The following ANKZF1 variants were observed in gnomAD, a reference collection of about 807,000 sequenced individuals.
ANKZF1 encodes the protein tRNA endonuclease ANKZF1.
A neutral mutation model predicts 86.0 loss-of-function variants in ANKZF1; 84 were observed. That is an observed-to-expected ratio of 0.98 (90% CI 0.82 to 1.17). ANKZF1 has a LOEUF of 1.17. Among genes scored for constraint, ANKZF1 ranks in the 50% most tolerant of loss-of-function variants. The probability of loss-of-function intolerance (pLI) is 0.00; values close to 1 mark genes in which losing one functional copy is unlikely to be tolerated. For synonymous variants in ANKZF1, 331 were observed against 354.2 expected, an observed-to-expected ratio of 0.93 and a Z score of 0.74; for missense variants, 893 against 918.4, an observed-to-expected ratio of 0.97 and a Z score of 0.36.
chr2:219,234,966 G>C lies in ANKZF1; in HGVS notation c.1345G>C (p.Asp449His). 1.9e-6 allele frequency: 3 copies of C among 1,614,240 alleles called. No individual in the cohort carries two copies. Among genetic ancestry groups the C allele is most frequent in the Non-Finnish European group, 1.7e-6 (2 of 1,180,050 alleles). Residue 449 changes from aspartate (D) to histidine (H), a missense_variant, in exon 10 of 14, where the codon GAC (aspartate) becomes CAC (histidine). Transcript: ENST00000323348. Reference sequence around the variant, plus strand: ...AAGGAATAAGAAGGAGAAAAGCCGAGACCAGGAGGCTGGGGCACATCGGAC... The same window carrying C: ...AAGGAATAAGAAGGAGAAAAGCCGACACCAGGAGGCTGGGGCACATCGGAC... The part of the protein sequence containing the change: ...RKRNKKEKSR[D>H]QEAGAHRTLL...
chr2:219,235,364 G>A, intron 10 of ANKZF1, 52 bp downstream of exon 10: 1 of 1,595,674 alleles, frequency 6.3e-7, no homozygotes, highest in Non-Finnish European at 8.6e-7. Context: ...AGGATAATTT[G>A]GAGGTTAAAG....
rs1449113817 is a variant in ANKZF1 at position 219,234,291 on chromosome 2, T to G, written c.1204+3T>G. 15 of 1,613,870 alleles carry G rather than the reference T, an allele frequency of 9.3e-6. No homozygotes were observed. Among genetic ancestry groups the G allele is most frequent in the Non-Finnish European group, 1.3e-5 (15 of 1,180,038 alleles). ...GAATGAGGAATCTCCCAAACAGGGT[T>G]TGATTACTATCTGGCAACTGTCAGA... On this transcript the variant is annotated splice_donor_region_variant and intron_variant, in intron 9 of 13. Transcript: ENST00000323348.
chr2:219,234,368 G>T, intron 9 of ANKZF1, 80 bp downstream of exon 9: 1 of 1,574,222 alleles, frequency 6.4e-7, no homozygotes, highest in South Asian at 1.1e-5. Context: ...TCTCATAACT[G>T]ACCCATTTCC....
chr2:219,230,505 C>G, intron 2 of ANKZF1, 100 bp downstream of exon 2: 1 of 1,394,426 alleles, frequency 7.2e-7, no homozygotes, highest in Non-Finnish European at 9.6e-7. Flanking sequence ...CTTAGGAGGC[C>G]AATTGATTTA....
At chr2:219,234,395 CCA>C in intron 9 of ANKZF1, 107 bp downstream of exon 9, 1 of 1,363,852 alleles carries the variant, frequency 7.3e-7, no homozygotes, top group Non-Finnish European at 1.0e-6. Context: ...AAACACACAC[CCA>C]CAGTGTCTAT....
intron 2 of ANKZF1, chr2:219,230,692 C>T (rs758160174): frequency 1.3e-5 from 4 of 305,632 alleles, no homozygotes; most frequent in Non-Finnish European, 1.8e-5. Context: ...TAACCAGGCC[C>T]CACTCAAATT....
At chr2:219,233,533 C>T (rs941762915) in intron 7 of ANKZF1, 100 bp downstream of exon 7, 29 of 1,449,428 alleles carry the variant, frequency 2.0e-5, no homozygotes, top group Admixed American at 5.4e-5. Flanking sequence ...TCATATCCTT[C>T]CAATTTTCAT....
At chr2:219,236,283 TG>T (rs1362910526) in intron 13 of ANKZF1, 38 bp from the exon 14 acceptor site, 1 of 1,613,286 alleles carries the variant, frequency 6.2e-7, no homozygotes, top group Non-Finnish European at 8.5e-7. Context: ...GGAAAGTTTC[TG>T]GGGTACCTGT....
intron 2 of ANKZF1, chr2:219,231,406 C>A: frequency 6.1e-6 from 1 of 163,176 alleles, no homozygotes; most frequent in South Asian, 1.5e-4. Context: ...TTTTCTTCAT[C>A]TTTTTTGAGA....
In ANKZF1 at chr2:219,234,157, G is replaced by C. The variant is rs1454228882; in HGVS notation, c.1073G>C (p.Arg358Thr). The C allele has an allele frequency of 6.2e-7, 1 of 1,613,678 alleles. No individual in the cohort carries two copies. Residue 358 changes from arginine (R) to threonine (T), a missense_variant, in exon 9 of 14, where the codon AGA becomes ACA. Arg to Thr is a moderately conservative substitution (Grantham distance 71, BLOSUM62 -1). Transcript: ENST00000323348. The stretch of plus-strand genomic sequence containing the variant: ...GAAGAAGACCCTCGGGAAGCAGTCA[G>C]ACTGCACTCACCTCAGACACACTGG... ...VYEEDPREAVRLHSPQTHWKT... is the reference protein window; with the variant it reads ...VYEEDPREAVTLHSPQTHWKT...
At position 219,234,178 on chromosome 2, in the gene ANKZF1, A is replaced by G. The variant is rs1409676984; in HGVS notation, c.1094A>G (p.His365Arg). The G allele has an allele frequency of 1.9e-6, 3 of 1,614,156 alleles. No homozygotes were observed. Among genetic ancestry groups the G allele is most frequent in the South Asian group, 1.1e-5 (1 of 91,084 alleles). The change falls in exon 9 of 14, where the codon CAC (histidine) becomes CGC (arginine). Residue 365 changes from histidine to arginine, a missense_variant. By Grantham distance (29) the His-to-Arg change is conservative (BLOSUM62 0). Transcript: ENST00000323348. ...GTCAGACTGCACTCACCTCAGACAC[A>G]CTGGAAAACAGTAAGAGAGGAGAGA... is the stretch of plus-strand genomic sequence containing the variant. ...EAVRLHSPQT[H>R]WKTVREERKK... is the part of the protein sequence containing the mutation.
intron 9 of ANKZF1, 37 bp downstream of exon 9, chr2:219,234,325 T>G: frequency 6.2e-7 from 1 of 1,613,770 alleles, no homozygotes; most frequent in South Asian, 1.1e-5. Context: ...GATCTGAGTT[T>G]CTGTCCTAAA....
rs767895333 is a variant in ANKZF1 at position 219,235,991 on chromosome 2, CACA to C, written c.1972-16_1972-14del. 6.2e-7 allele frequency: 1 copy of C among 1,614,192 alleles called. No homozygotes were observed. Among genetic ancestry groups the C allele is most frequent in the South Asian group, 1.1e-5 (1 of 91,080 alleles). ...CTCGCCACTGGGGCCTTGTCCTTAA[CACA>C]ACTTGTCTCCCTCAGAGAGCTCTGG... On this transcript the variant is annotated splice_polypyrimidine_tract_variant and intron_variant, in intron 12 of 13. Coordinates refer to ENST00000323348, the MANE Select transcript of ANKZF1 (RefSeq NM_018089.3).
At chr2:219,236,123 T>C (rs1951220773) in intron 13 of ANKZF1, 28 bp downstream of exon 13, 4 of 1,613,158 alleles carry the variant, frequency 2.5e-6, no homozygotes, top group Non-Finnish European at 3.4e-6. Flanking sequence ...AGGGAGTGGG[T>C]GGACTGTAAT....
At chr2:219,235,334 G>A (rs1951175589) in intron 10 of ANKZF1, 22 bp downstream of exon 10, 3 of 1,601,588 alleles carry the variant, frequency 1.9e-6, no homozygotes, top group Non-Finnish European at 2.6e-6. Flanking sequence ...TCCCCATCCT[G>A]AGTCATTTTG....
Position 219,235,114 on chromosome 2 carries a change from T to C in ANKZF1, c.1493T>C (p.Leu498Pro), listed in dbSNP as rs780584011. The change falls in exon 10 of 14, where the codon CTG (leucine) becomes CCG (proline). Residue 498 changes from leucine (L) to proline (P), a missense_variant. By Grantham distance (98) the Leu-to-Pro change is moderately conservative. Coordinates refer to ENST00000323348, the MANE Select transcript of ANKZF1 (RefSeq NM_018089.3). ...GGTCAGCCAGAGCTCTGGAATGCAC[T>C]GCTTGCTGCTTGCCGAGCTGGAGAT... is the stretch of plus-strand genomic sequence containing the variant. ...APGQPELWNA[L>P]LAACRAGDVG... is the part of the protein sequence containing the mutation. 1.2e-6 allele frequency: 2 copies of C among 1,614,236 alleles called. No homozygotes were observed. Among genetic ancestry groups the C allele is most frequent in the Middle Eastern group, 1.6e-4 (1 of 6,062 alleles).
chr2:219,230,477 C>T, intron 2 of ANKZF1, 72 bp downstream of exon 2: 1 of 1,503,498 alleles, frequency 6.7e-7, no homozygotes, highest in Non-Finnish European at 8.9e-7. Context: ...GGAACACATT[C>T]TTATTGGTAT....
rs771217809 is a variant in ANKZF1 at position 219,235,325 on chromosome 2, C to T, written c.1691+13C>T. The T allele has an allele frequency of 4.2e-5, 68 of 1,603,420 alleles. No individual in the cohort carries two copies. Among genetic ancestry groups the T allele is most frequent in the Non-Finnish European group, 5.5e-5 (65 of 1,174,554 alleles). On this transcript the variant is annotated intron_variant, in intron 10 of 13. Coordinates refer to ENST00000323348, the MANE Select transcript of ANKZF1 (RefSeq NM_018089.3). ...ACCCCACTGTGCAGTGAGTAAAGGTCCCCATCCTGAGTCATTTTGGGTATA... is the reference window on the plus strand; with the variant it reads ...ACCCCACTGTGCAGTGAGTAAAGGTTCCCATCCTGAGTCATTTTGGGTATA...
At chr2:219,233,246 C>T (rs1357503036) in intron 6 of ANKZF1, 40 bp from the exon 7 acceptor site, 1 of 1,614,076 alleles carries the variant, frequency 6.2e-7, no homozygotes, top group Non-Finnish European at 8.5e-7. Flanking sequence ...AGCCAGGGAG[C>T]ACCAGCTGGT....
Sources: allele counts gnomAD v4.1 joint callset, GRCh38; gene constraint gnomAD v4.1.1; transcripts MANE v1.5; gene names NCBI Gene and HGNC (gene_info 2026-07-23, HGNC 2026-07-21).